PATJ: variants seen among roughly 807,000 people sequenced by gnomAD.
PATJ encodes the protein PATJ crumbs cell polarity complex component, also known as inaD-like protein.
In PATJ, 190 loss-of-function variants were observed where a neutral mutation model predicts 224.9. The ratio of observed to expected loss-of-function variants is 0.84; its 90% CI spans 0.75 to 0.95. The LOEUF (loss-of-function observed/expected upper bound fraction) is 0.95, where lower values mean the gene tolerates loss of function less well. Among genes scored for constraint, PATJ ranks in the 40% least tolerant of loss-of-function variants. PATJ has a pLI of 0.00. For missense variants in PATJ, 2,121 were observed against 2,270.3 expected (o/e 0.93, Z 1.34); for synonymous variants, 769 against 820.3 (o/e 0.94, Z 1.07).
chr1:62,070,189 A>G (rs538492670), intron 31 of PATJ, among the ~76,000 whole-genome samples: 1 of 152,288 alleles, frequency 6.6e-6, no homozygotes, highest in African/African-American at 2.4e-5. Flanking sequence ...TGCTCCTCCT[A>G]AGGCCATTTG....
At chr1:61,838,287 A>G (rs1029892699) in intron 17 of PATJ, among the ~76,000 whole-genome samples, 1 of 151,840 alleles carries the variant, frequency 6.6e-6, no homozygotes, top group Admixed American at 6.6e-5. Context: ...GCCTTATAGG[A>G]TTGTGTCATG....
chr1:61,785,730 A>G (rs182904284), intron 7 of PATJ, among the ~76,000 whole-genome samples: 1 of 152,352 alleles, frequency 6.6e-6, no homozygotes, highest in African/African-American at 2.4e-5. Context: ...AAATTTATCA[A>G]AGAAGGGAAA....
At chr1:61,928,544 A>G (rs1675562526) in intron 27 of PATJ, among the ~76,000 whole-genome samples, 1 of 152,174 alleles carries the variant, frequency 6.6e-6, no homozygotes, top group African/African-American at 2.4e-5. Flanking sequence ...CTTCTACAAT[A>G]TAGAAAAGGA....
intron 43 of PATJ, among the ~76,000 whole-genome samples, chr1:62,160,554 T>C (rs540637484): frequency 3.7e-4 from 57 of 152,340 alleles, no homozygotes; most frequent in Non-Finnish European, 4.3e-4. Flanking sequence ...CAGTTCTATC[T>C]GCCTTTTTCT....
At chr1:62,131,512 G>A (rs980712187) in intron 41 of PATJ, among the ~76,000 whole-genome samples, 3 of 152,130 alleles carry the variant, frequency 2.0e-5, no homozygotes, top group Non-Finnish European at 4.4e-5. Flanking sequence ...GCCAGGTGTG[G>A]TAGCGCATGC....
intron 3 of PATJ, among the ~76,000 whole-genome samples, chr1:61,764,873 A>G (rs1646170113): frequency 6.6e-6 from 1 of 152,218 alleles, no homozygotes; most frequent in South Asian, 2.1e-4. Flanking sequence ...AGCAACTGAA[A>G]TTGGCAAAGA....
intron 38 of PATJ, among the ~76,000 whole-genome samples, 193 bp from the exon 39 acceptor site, chr1:62,122,828 A>G (rs1665246587): frequency 1.3e-5 from 2 of 152,032 alleles, no homozygotes; most frequent in African/African-American, 4.8e-5. Context: ...TGTGTCAAAA[A>G]AAAAAAAAAG....
intron 29 of PATJ, among the ~76,000 whole-genome samples, chr1:62,020,738 T>C (rs1170498600): frequency 6.6e-6 from 1 of 152,206 alleles, no homozygotes; most frequent in African/African-American, 2.4e-5. Context: ...TCAATGTACA[T>C]TTAAAATCTG....
At chr1:61,838,572 G>A (rs374914099) in intron 17 of PATJ, among the ~76,000 whole-genome samples, 58 of 135,872 alleles carry the variant, frequency 4.3e-4, no homozygotes, top group East Asian at 1.5e-3. Context: ...GGGTTTCACC[G>A]TGTTAGCCAG....
intron 7 of PATJ, among the ~76,000 whole-genome samples, chr1:61,778,065 A>ATTTT (rs1647036037): frequency 6.6e-6 from 1 of 151,936 alleles, no homozygotes. Flanking sequence ...TTTTTTGTAG[A>ATTTT]GGTGGGGTTT....
chr1:61,856,127 T>C lies in PATJ; in HGVS notation c.2210T>C (p.Leu737Pro). ...GGGGGACTATTACCTGGAGACCGCC[T>C]GGTCTCAGTCAATGAATACTGTTTG... The part of the protein sequence containing the change: ...RSGGLLPGDR[L>P]VSVNEYCLDN... Residue 737 changes from leucine (L) to proline (P), a missense_variant, in exon 18 of 44, where the codon CTG becomes CCG. Coordinates refer to ENST00000642238, the MANE Select transcript of PATJ (RefSeq NM_001350145.3). The C allele has an allele frequency of 6.2e-7, 1 of 1,612,990 alleles. No individual in the cohort carries two copies. The highest frequency in any genetic ancestry group is 1.3e-5 in the African/African-American group (1 of 75,036).
At chr1:61,890,816 A>G (rs1242905656) in intron 22 of PATJ, among the ~76,000 whole-genome samples, 1 of 152,100 alleles carries the variant, frequency 6.6e-6, no homozygotes, top group Admixed American at 6.6e-5. Flanking sequence ...TTTAAAGTAC[A>G]TGTAAAACAT....
chr1:61,948,388 C>T (rs1344533069), intron 27 of PATJ, among the ~76,000 whole-genome samples: 14 of 152,274 alleles, frequency 9.2e-5, no homozygotes, highest in Admixed American at 8.5e-4. Flanking sequence ...ACAACCCCAT[C>T]AAAAAGTGGG....
intron 26 of PATJ, among the ~76,000 whole-genome samples, chr1:61,918,307 CTTTT>C (rs981322479): frequency 4.3e-5 from 5 of 115,622 alleles, no homozygotes; most frequent in African/African-American, 6.8e-5. Flanking sequence ...TTTGTGTATT[CTTTT>C]TTTTTTTTTT....
At chr1:61,876,223 C>T (rs1464084789) in intron 21 of PATJ, among the ~76,000 whole-genome samples, 1 of 151,938 alleles carries the variant, frequency 6.6e-6, no homozygotes, top group African/African-American at 2.4e-5. Context: ...GAGATGATAA[C>T]ATACAGTTTC....
At chr1:62,108,101 G>A (rs538546349) in intron 33 of PATJ, among the ~76,000 whole-genome samples, 5 of 152,160 alleles carry the variant, frequency 3.3e-5, no homozygotes, top group Non-Finnish European at 7.4e-5. Context: ...ACCTGAAACC[G>A]TGTTTCAAAA....
At chr1:62,149,463 CTTTGAG>C (rs1460984958) in intron 42 of PATJ, among the ~76,000 whole-genome samples, 3 of 152,118 alleles carry the variant, frequency 2.0e-5, no homozygotes, top group Non-Finnish European at 2.9e-5. Context: ...TAAATGACAT[CTTTGAG>C]TTTATTTTTC....
rs1672857409 is a variant in PATJ at position 61,912,693 on chromosome 1, G to A, written c.3493-1894G>A. Among the ~76,000 whole-genome samples the A allele has an allele frequency of 2.5e-5, 3 of 117,704 alleles. No homozygotes were observed. The Admixed American group carries it at 2.6e-4, about 10-fold the overall frequency. The allele number at this position is 117,704 out of a possible 152,430, so 77.2% of individuals were successfully genotyped here. On this transcript the variant is annotated intron_variant, in intron 25 of 43. Coordinates refer to ENST00000642238, the MANE Select transcript of PATJ (RefSeq NM_001350145.3). ...GGGAGGGAGGGGAGGGGAGGGGAGG[G>A]AAGAGGGGAGGGGAAGGTAGAGAGG...
At chr1:62,132,269 A>C (rs1484625331) in intron 41 of PATJ, among the ~76,000 whole-genome samples, 1 of 152,184 alleles carries the variant, frequency 6.6e-6, no homozygotes. Context: ...CAAGAAATAG[A>C]AGTAAAACTG....
Sources: gnomAD v4.1 joint callset for allele counts (sites outside exome capture counted in the v4.1 genomes callset) on GRCh38, gnomAD v4.1.1 for gene constraint, MANE v1.5 for transcripts, NCBI Gene and HGNC (gene_info 2026-07-23, HGNC 2026-07-21) for gene names.